CFAP263: variants seen among roughly 807,000 people sequenced by gnomAD.
CFAP263 encodes cilia- and flagella-associated protein 263.
chr16:58,251,306 C>A, the CFAP263 span, among the ~76,000 whole-genome samples: 1 of 152,254 alleles, frequency 6.6e-6, no homozygotes. Context: ...AGACTACATA[C>A]ACCTGGAGCA....
chr16:58,280,280 G>A, the CFAP263 span: 1 of 1,613,992 alleles, frequency 6.2e-7, no homozygotes, highest in East Asian at 2.2e-5. Flanking sequence ...ATTTCTTCGG[G>A]CTGATACAAC....
At chr16:58,280,623 C>A in the CFAP263 span, 3 of 1,614,010 alleles carry the variant, frequency 1.9e-6, no homozygotes, top group African/African-American at 1.3e-5. Context: ...TGGATGTGAT[C>A]CATTTGCTGT....
the CFAP263 span, chr16:58,250,437 C>T: frequency 4.2e-6 from 1 of 238,794 alleles, no homozygotes; most frequent in East Asian, 1.0e-4. Flanking sequence ...GCAATTTGGA[C>T]CAGGTGACTT....
the CFAP263 span, among the ~76,000 whole-genome samples, chr16:58,270,720 T>TTTATA: frequency 1.3e-5 from 2 of 152,232 alleles, no homozygotes; most frequent in Non-Finnish European, 2.9e-5. Context: ...TCCTCTGTCT[T>TTTATA]CTTTTAAGAG....
the CFAP263 span, among the ~76,000 whole-genome samples, chr16:58,266,406 T>TATATATATATATATA: frequency 8.6e-5 from 2 of 23,360 alleles, no homozygotes; most frequent in African/African-American, 1.5e-4. Flanking sequence ...TATATATATA[T>TATATATATATATATA]TTTTTTTTTT....
At chr16:58,276,567 C>A in the CFAP263 span, among the ~76,000 whole-genome samples, 7 of 152,176 alleles carry the variant, frequency 4.6e-5, no homozygotes, top group Non-Finnish European at 1.0e-4. Flanking sequence ...ACAAAAATGT[C>A]TTTAGGCATT....
At chr16:58,254,011 G>A in the CFAP263 span, 10 of 1,614,078 alleles carry the variant, frequency 6.2e-6, no homozygotes, top group South Asian at 2.2e-5. Context: ...CGAGGCAGGC[G>A]TAGATCCAAA....
chr16:58,269,431 GGAAA>G, the CFAP263 span, among the ~76,000 whole-genome samples: 2 of 151,320 alleles, frequency 1.3e-5, no homozygotes, highest in African/African-American at 4.9e-5. Flanking sequence ...AGGAAAGAAA[GGAAA>G]GAAAGGAAGG....
At chr16:58,278,196 A>G in the CFAP263 span, among the ~76,000 whole-genome samples, 3 of 152,200 alleles carry the variant, frequency 2.0e-5, no homozygotes, top group African/African-American at 7.2e-5. Flanking sequence ...AGTCAAAATA[A>G]GTACAACATA....
the CFAP263 span, chr16:58,252,884 A>T: frequency 6.2e-7 from 1 of 1,609,060 alleles, no homozygotes; most frequent in Non-Finnish European, 8.5e-7. Context: ...TCATTCTTTT[A>T]TTGTTTGTCA....
At chr16:58,255,398 C>G in the CFAP263 span, among the ~76,000 whole-genome samples, 1 of 152,108 alleles carries the variant, frequency 6.6e-6, no homozygotes, top group Non-Finnish European at 1.5e-5. Context: ...ATCTTCCCCC[C>G]GCCCAGTCCA....
At chr16:58,269,373 T>TATA in the CFAP263 span, among the ~76,000 whole-genome samples, 1 of 52,770 alleles carries the variant, frequency 1.9e-5, no homozygotes, top group East Asian at 4.3e-4. Flanking sequence ...TACATTTATT[T>TATA]ATAAGAAGAA....
At chr16:58,267,474 T>A in the CFAP263 span, 1 of 1,604,150 alleles carries the variant, frequency 6.2e-7, no homozygotes, top group Non-Finnish European at 8.5e-7. Context: ...GTTGTTATAT[T>A]TCAGAGCAAG....
chr16:58,278,085 TTA>T, the CFAP263 span, among the ~76,000 whole-genome samples: 2 of 152,074 alleles, frequency 1.3e-5, no homozygotes, highest in African/African-American at 4.8e-5. Flanking sequence ...AAATTTTATG[TTA>T]TATATATATC....
the CFAP263 span, among the ~76,000 whole-genome samples, chr16:58,274,102 A>G: frequency 1.3e-5 from 2 of 152,224 alleles, no homozygotes; most frequent in Non-Finnish European, 1.5e-5. Context: ...GCTTTCAACA[A>G]TACCCTGAGA....
At chr16:58,277,031 G>A in the CFAP263 span, among the ~76,000 whole-genome samples, 1 of 152,244 alleles carries the variant, frequency 6.6e-6, no homozygotes, top group African/African-American at 2.4e-5. Context: ...GGTGACAGGA[G>A]TGGGATGGGA....
At chr16:58,269,403 A>AAG in the CFAP263 span, among the ~76,000 whole-genome samples, 29 of 151,814 alleles carry the variant, frequency 1.9e-4, 1 homozygote, top group African/African-American at 6.3e-4. Flanking sequence ...AGAGGAAAGA[A>AAG]AGGAAAGAAA....
chr16:58,250,136 G>A, the CFAP263 span: 3 of 1,498,062 alleles, frequency 2.0e-6, no homozygotes, highest in Non-Finnish European at 2.7e-6. Flanking sequence ...CCGCGCCTGG[G>A]GGCCGCCCCT....
the CFAP263 span, among the ~76,000 whole-genome samples, chr16:58,254,683 C>G: frequency 6.6e-6 from 1 of 151,808 alleles, no homozygotes; most frequent in African/African-American, 2.4e-5. Flanking sequence ...CAGCTCACTG[C>G]AAGCTCCGCC....
Sources: gnomAD v4.1 joint callset for allele counts (sites outside exome capture counted in the v4.1 genomes callset) on GRCh38, gnomAD v4.1.1 for gene constraint, MANE v1.5 for transcripts, NCBI Gene and HGNC (gene_info 2026-07-23, HGNC 2026-07-21) for gene names.